DISC1: variants seen among roughly 807,000 people sequenced by gnomAD.
DISC1 encodes disrupted in schizophrenia 1 protein.
Under a neutral mutation model 84.5 loss-of-function variants are expected in DISC1, and 57 were observed. The observed-to-expected ratio is 0.67, with a 90% CI of 0.55 to 0.84. DISC1 has a LOEUF of 0.84. Among genes scored for constraint, DISC1 ranks in the 40% least tolerant of loss-of-function variants. DISC1 has a pLI of 0.00. For missense variants in DISC1, 1,000 were observed against 1,057.8 expected, an observed-to-expected ratio of 0.95 and a Z score of 0.76; for synonymous variants, 411 against 415.2, an observed-to-expected ratio of 0.99 and a Z score of 0.12.
chr1:231,891,762 T>A (rs9659649), intron 9 of DISC1, among the ~76,000 whole-genome samples: 97,871 of 151,858 alleles, frequency 0.64, 31,811 homozygotes, highest in Admixed American at 0.69. Flanking sequence ...TAACATAATT[T>A]AAAAAACGAT....
At chr1:231,772,381 C>T (rs770938917) in intron 6 of DISC1, among the ~76,000 whole-genome samples, 13 of 152,150 alleles carry the variant, frequency 8.5e-5, no homozygotes, top group Non-Finnish European at 1.3e-4. Flanking sequence ...GCAAGTGCTA[C>T]GTGGGTAGAG....
At chr1:231,699,254 A>G (rs1009192292) in intron 2 of DISC1, among the ~76,000 whole-genome samples, 3 of 152,180 alleles carry the variant, frequency 2.0e-5, no homozygotes, top group African/African-American at 7.2e-5. Flanking sequence ...CATGTGCCCA[A>G]AGCAGTGGAA....
chr1:231,947,203 A>G (rs1015450734), intron 9 of DISC1, among the ~76,000 whole-genome samples: 2 of 152,204 alleles, frequency 1.3e-5, no homozygotes, highest in Non-Finnish European at 2.9e-5. Flanking sequence ...TTGACTTCAA[A>G]CTATACTACA....
chr1:231,936,357 C>G (rs1470972250), intron 9 of DISC1, among the ~76,000 whole-genome samples: 8 of 152,190 alleles, frequency 5.3e-5, no homozygotes, highest in Admixed American at 2.0e-4. Flanking sequence ...AGTTCTGCTG[C>G]CCCTGCTCTA....
At chr1:231,690,237 T>C (rs115813412) in intron 1 of DISC1, among the ~76,000 whole-genome samples, 2,183 of 152,244 alleles carry the variant, frequency 0.014, 56 homozygotes, top group African/African-American at 0.05. Context: ...GGTCTGTGCT[T>C]CAGAGAGGAA....
At chr1:232,011,567 C>G (rs1572628799) in intron 11 of DISC1, among the ~76,000 whole-genome samples, 1 of 151,952 alleles carries the variant, frequency 6.6e-6, no homozygotes, top group Non-Finnish European at 1.5e-5. Flanking sequence ...AATTATGGGG[C>G]CAGAAAACAG....
chr1:231,756,537 GAGAGA>G (rs2075149728), intron 4 of DISC1, among the ~76,000 whole-genome samples: 1 of 142,000 alleles, frequency 7.0e-6, no homozygotes, highest in Non-Finnish European at 1.5e-5. Flanking sequence ...GAGAGAGAGA[GAGAGA>G]GAGAGAGAGA....
At position 231,808,485 on chromosome 1, in the gene DISC1, A is replaced by C. The variant is rs375893632; in HGVS notation, c.1792+8275A>C. On this transcript the variant is annotated intron_variant, in intron 8 of 12. Transcript: ENST00000439617. ...CCTGGAAGATGTGCCTAAGGCTGAG[A>C]GACTTCATTGTTTAATTCATCTAGC... Among the ~76,000 whole-genome samples, 154 of 152,334 alleles carry C rather than the reference A, an allele frequency of 1.0e-3. 2 individuals are homozygous for C. Among genetic ancestry groups the C allele is most frequent in the African/African-American group, 3.5e-3 (147 of 41,584 alleles).
chr1:231,852,935 T>A (rs186488761), intron 9 of DISC1, among the ~76,000 whole-genome samples: 106 of 152,370 alleles, frequency 7.0e-4, no homozygotes, highest in African/African-American at 2.4e-3. Flanking sequence ...TTTCATCTTG[T>A]CATTTACAAG....
At chr1:231,942,366 G>A (rs931543596) in intron 9 of DISC1, among the ~76,000 whole-genome samples, 1 of 152,132 alleles carries the variant, frequency 6.6e-6, no homozygotes, top group Non-Finnish European at 1.5e-5. Flanking sequence ...CATGGAAACA[G>A]AAAATGGCAT....
Position 231,749,159 on chromosome 1 carries a change from G to A in DISC1, c.1118-767G>A, listed in dbSNP as rs79705443. 8.4e-3 allele frequency among the ~76,000 whole-genome samples: 1,276 copies of A among 152,220 alleles called. 43 individuals are homozygous for A. The highest frequency in any genetic ancestry group is 0.06 in the Admixed American group (918 of 15,296). On this transcript the variant is annotated intron_variant, in intron 3 of 12. Coordinates refer to ENST00000439617, the MANE Select transcript of DISC1 (RefSeq NM_018662.3). ...ACAGTTGCATCTTCACTCCCCCACCGTACTCCAGCACCCTCCCTTCAACAC... is the reference window on the plus strand; with the variant it reads ...ACAGTTGCATCTTCACTCCCCCACCATACTCCAGCACCCTCCCTTCAACAC...
intron 3 of DISC1, among the ~76,000 whole-genome samples, chr1:231,733,950 G>T (rs978003913): frequency 1.3e-5 from 2 of 151,684 alleles, no homozygotes; most frequent in Non-Finnish European, 1.5e-5. Context: ...GATGGCTGAA[G>T]TGGTGGTGGG....
intron 4 of DISC1, among the ~76,000 whole-genome samples, chr1:231,756,903 G>GTGTTACACAA (rs2075198806): frequency 6.6e-6 from 1 of 152,128 alleles, no homozygotes; most frequent in Non-Finnish European, 1.5e-5. Flanking sequence ...CAATTACCTA[G>GTGTTACACAA]TTGCTAAAAT....
chr1:231,830,387 A>C (rs980573086), intron 9 of DISC1, among the ~76,000 whole-genome samples: 1 of 152,160 alleles, frequency 6.6e-6, no homozygotes, highest in African/African-American at 2.4e-5. Flanking sequence ...AAGGAGAAAA[A>C]CAGGTATTAA....
At chr1:231,843,555 G>T (rs1311498063) in intron 9 of DISC1, among the ~76,000 whole-genome samples, 3 of 152,210 alleles carry the variant, frequency 2.0e-5, no homozygotes, top group Non-Finnish European at 4.4e-5. Flanking sequence ...GAGGCCAGTG[G>T]CAGGAGAGAG....
At chr1:231,727,123 G>A (rs2070827322) in intron 3 of DISC1, among the ~76,000 whole-genome samples, 1 of 151,992 alleles carries the variant, frequency 6.6e-6, no homozygotes, top group Admixed American at 6.6e-5. Context: ...ATGATAAAAT[G>A]GATGAACATA....
chr1:231,921,030 C>T (rs891884454), intron 9 of DISC1, among the ~76,000 whole-genome samples: 23 of 152,010 alleles, frequency 1.5e-4, no homozygotes, highest in African/African-American at 5.5e-4. Flanking sequence ...CCTCAGCCTC[C>T]CAAGTAGCTG....
chr1:231,631,946 T>G (rs983960320), intron 1 of DISC1, among the ~76,000 whole-genome samples: 1 of 152,192 alleles, frequency 6.6e-6, no homozygotes, highest in Admixed American at 6.5e-5. Flanking sequence ...CTTCCAGTCC[T>G]GCAAGCTCCA....
At chr1:231,753,553 G>T (rs1160391087) in intron 4 of DISC1, among the ~76,000 whole-genome samples, 1 of 152,246 alleles carries the variant, frequency 6.6e-6, no homozygotes, top group Non-Finnish European at 1.5e-5. Flanking sequence ...CCTATGAGGG[G>T]AGGGGCTGCC....
Sources: gnomAD v4.1 joint callset for allele counts (sites outside exome capture counted in the v4.1 genomes callset) on GRCh38, gnomAD v4.1.1 for gene constraint, MANE v1.5 for transcripts, NCBI Gene and HGNC (gene_info 2026-07-23, HGNC 2026-07-21) for gene names.